Variants in LSAMP observed in about 807,000 individuals in gnomAD.
LSAMP encodes limbic system-associated membrane protein.
In LSAMP, 7 loss-of-function variants were observed where a neutral mutation model predicts 38.6. That is an observed-to-expected ratio of 0.18 (90% CI 0.10 to 0.34). The LOEUF is 0.34. Among genes scored for constraint, LSAMP ranks in the 10% least tolerant of loss-of-function variants. The pLI is 1.00. For missense variants in LSAMP, 313 were observed against 420.0 expected (o/e 0.75, Z 2.23); for synonymous variants, 154 against 166.8 (o/e 0.92, Z 0.59).
At chr3:116,179,561 C>T (rs1193911579) in intron 1 of LSAMP, among the ~76,000 whole-genome samples, 1 of 152,052 alleles carries the variant, frequency 6.6e-6, no homozygotes, top group East Asian at 1.9e-4. Context: ...CTGGGGAGGC[C>T]TCAGGAAACT....
At chr3:116,151,500 G>C (rs1274232853) in intron 1 of LSAMP, among the ~76,000 whole-genome samples, 2 of 152,004 alleles carry the variant, frequency 1.3e-5, no homozygotes, top group Non-Finnish European at 2.9e-5. Flanking sequence ...TAAACAGGGA[G>C]GCCAGATACC....
chr3:116,041,796 C>CAAAAAAAAAAAAAAAA (rs148805855), intron 2 of LSAMP, among the ~76,000 whole-genome samples: 1 of 57,076 alleles, frequency 1.8e-5, no homozygotes, highest in African/African-American at 4.5e-5. Flanking sequence ...TGAAAGCATG[C>CAAAAAAAAAAAAAAAA]AAAAAAAAAC....
chr3:116,241,569 AACAG>A lies in LSAMP; in HGVS notation c.156-155017_156-155014del, dbSNP rs570209273. ...CAACAGAGTGAGATTCTGTCTAAAA[AACAG>A]ATAGATAGATAGATAATTCTTGGTG... On this transcript the variant is annotated intron_variant, in intron 1 of 6. Transcript: ENST00000490035. Among the ~76,000 whole-genome samples, 614 of 152,276 alleles carry A rather than the reference AACAG, an allele frequency of 4.0e-3. 4 individuals are homozygous for A. The highest frequency in any genetic ancestry group is 0.014 in the African/African-American group (564 of 41,542).
intron 2 of LSAMP, among the ~76,000 whole-genome samples, chr3:116,084,955 A>ATG (rs10642967): frequency 0.18 from 26,676 of 150,232 alleles, 2,452 homozygotes; most frequent in African/African-American, 0.23. Flanking sequence ...TTATGTTTTG[A>ATG]TGTGTGTGTG....
chr3:116,430,022 A>G (rs987336600), intron 1 of LSAMP, among the ~76,000 whole-genome samples: 1 of 152,202 alleles, frequency 6.6e-6, no homozygotes, highest in Non-Finnish European at 1.5e-5. Flanking sequence ...TGGCAAAGTA[A>G]TAGAGGGAAT....
chr3:116,299,073 G>A lies in LSAMP; in HGVS notation c.155+145804C>T, dbSNP rs146150058. ...TTATGCAAATGTCTCAGAGCACAGA[G>A]TCTTTTTAAGCAATGAGCTGAAAGT... On this transcript the variant is annotated intron_variant, in intron 1 of 6. Coordinates refer to ENST00000490035, the MANE Select transcript of LSAMP (RefSeq NM_002338.5). Among the ~76,000 whole-genome samples, 220 of 152,312 alleles carry A rather than the reference G, an allele frequency of 1.4e-3. 2 individuals are homozygous for A. Among genetic ancestry groups the A allele is most frequent in the African/African-American group, 5.0e-3 (206 of 41,570 alleles).
chr3:116,395,622 C>A (rs559976307), intron 1 of LSAMP, among the ~76,000 whole-genome samples: 3 of 152,294 alleles, frequency 2.0e-5, no homozygotes, highest in Non-Finnish European at 4.4e-5. Context: ...AAGAGGACTG[C>A]ACCCAGTATT....
rs532365596 is a variant in LSAMP, at chr3:115,953,088, C to A, written c.514+66427G>T. 8.7e-3 allele frequency among the ~76,000 whole-genome samples: 1,327 copies of A among 152,230 alleles called. 14 individuals are homozygous for A. The highest frequency in any genetic ancestry group is 0.026 in the South Asian group (125 of 4,828). ...AGTCTGATTCAGAGCTTCTTCTCAG[C>A]CACTGCACCTCATCAACCTCCTCAT... On this transcript the variant is annotated intron_variant, in intron 3 of 6. Transcript: ENST00000490035.
intron 1 of LSAMP, among the ~76,000 whole-genome samples, chr3:116,324,071 C>A (rs1157528908): frequency 2.6e-5 from 4 of 152,144 alleles, no homozygotes; most frequent in Non-Finnish European, 5.9e-5. Context: ...CTGACTATGA[C>A]AATTGACATT....
rs147705728 is a variant in LSAMP, at chr3:116,114,281, G to A, written c.156-27725C>T. ...AAGAACATTTTGGTAACTATCTGGT[G>A]CCTTCGGTTTTTCACATCCTGTATC... On this transcript the variant is annotated intron_variant, in intron 1 of 6. Coordinates refer to ENST00000490035, the MANE Select transcript of LSAMP (RefSeq NM_002338.5). 1.2e-4 allele frequency among the ~76,000 whole-genome samples: 18 copies of A among 152,258 alleles called. No homozygotes were observed. The East Asian group carries it at 3.5e-3, about 29-fold the overall frequency.
chr3:116,269,430 C>T (rs1183894752), intron 1 of LSAMP, among the ~76,000 whole-genome samples: 1 of 152,080 alleles, frequency 6.6e-6, no homozygotes, highest in Admixed American at 6.6e-5. Context: ...TGGCATCCTA[C>T]ACATTGCTTG....
intron 1 of LSAMP, among the ~76,000 whole-genome samples, chr3:116,186,005 A>C (rs1710607714): frequency 1.4e-5 from 2 of 147,822 alleles, no homozygotes; most frequent in Non-Finnish European, 3.0e-5. Flanking sequence ...AAAAAATGTA[A>C]GCTGATTTTT....
At chr3:116,032,645 G>A (rs1266173360) in intron 2 of LSAMP, among the ~76,000 whole-genome samples, 1 of 151,624 alleles carries the variant, frequency 6.6e-6, no homozygotes, top group Non-Finnish European at 1.5e-5. Context: ...AAAATTTATG[G>A]AAAAAAAATT....
At chr3:116,176,809 C>T (rs533473152) in intron 1 of LSAMP, among the ~76,000 whole-genome samples, 2 of 152,130 alleles carry the variant, frequency 1.3e-5, no homozygotes, top group African/African-American at 2.4e-5. Context: ...ATCTGGTCTA[C>T]ATAAGTGACT....
chr3:116,412,659 AG>A (rs1258709757), intron 1 of LSAMP, among the ~76,000 whole-genome samples: 6 of 152,096 alleles, frequency 3.9e-5, no homozygotes, highest in Admixed American at 3.9e-4. Flanking sequence ...AACAGTCTAA[AG>A]AAATACTAAT....
chr3:116,014,715 A>G (rs1022875188), intron 3 of LSAMP, among the ~76,000 whole-genome samples: 2 of 152,174 alleles, frequency 1.3e-5, no homozygotes, highest in African/African-American at 4.8e-5. Flanking sequence ...ACTGTAGAAA[A>G]TGTGTTCTTT....
At chr3:115,825,694 A>G (rs995254567) in intron 6 of LSAMP, among the ~76,000 whole-genome samples, 1 of 152,090 alleles carries the variant, frequency 6.6e-6, no homozygotes, top group Non-Finnish European at 1.5e-5. Context: ...CTTTATTTTT[A>G]TTTTTCTAGA....
intron 1 of LSAMP, among the ~76,000 whole-genome samples, chr3:116,223,004 C>T (rs867866551): frequency 2.0e-5 from 3 of 152,022 alleles, no homozygotes; most frequent in African/African-American, 7.3e-5. Flanking sequence ...TCCCAAAGTG[C>T]TGGGATTACA....
intron 1 of LSAMP, among the ~76,000 whole-genome samples, chr3:116,104,689 C>T (rs1708422901): frequency 6.6e-6 from 1 of 152,166 alleles, no homozygotes; most frequent in Non-Finnish European, 1.5e-5. Flanking sequence ...TTGCCATCCA[C>T]TCGCAAGTGA....
Sources: gnomAD v4.1 joint callset for allele counts (sites outside exome capture counted in the v4.1 genomes callset) on GRCh38, gnomAD v4.1.1 for gene constraint, MANE v1.5 for transcripts, NCBI Gene and HGNC (gene_info 2026-07-23, HGNC 2026-07-21) for gene names.